CHRM3: variants seen among roughly 807,000 people sequenced by gnomAD.
CHRM3 encodes muscarinic acetylcholine receptor M3.
CHRM3 carries 11 observed loss-of-function variants against 41.8 expected under a neutral mutation model. The ratio of observed to expected loss-of-function variants is 0.26; its 90% CI spans 0.17 to 0.44. The LOEUF (loss-of-function observed/expected upper bound fraction) is 0.44, where lower values mean the gene tolerates loss of function less well. Among genes scored for constraint, CHRM3 ranks in the 20% least tolerant of loss-of-function variants. The pLI is 1.00. For missense variants in CHRM3, 571 were observed against 745.4 expected, an observed-to-expected ratio of 0.77 and a Z score of 2.72; for synonymous variants, 297 against 301.4, an observed-to-expected ratio of 0.99 and a Z score of 0.15.
intron 3 of CHRM3, among the ~76,000 whole-genome samples, chr1:239,596,437 A>C (rs1446431285): frequency 6.6e-6 from 1 of 152,220 alleles, no homozygotes; most frequent in Non-Finnish European, 1.5e-5. Context: ...TAAGAGGAGA[A>C]CCAAAGAGGT....
At chr1:239,860,964 G>A (rs1675588113) in intron 6 of CHRM3, among the ~76,000 whole-genome samples, 1 of 151,842 alleles carries the variant, frequency 6.6e-6, no homozygotes, top group Non-Finnish European at 1.5e-5. Flanking sequence ...CTTATTATTT[G>A]TATTTAGAGG....
At chr1:239,863,983 A>C (rs2149283230) in intron 6 of CHRM3, among the ~76,000 whole-genome samples, 1 of 152,260 alleles carries the variant, frequency 6.6e-6, no homozygotes, top group South Asian at 2.1e-4. Context: ...TATTAATAAA[A>C]TTCAATGTAC....
chr1:239,859,429 T>TG (rs1558185651), intron 6 of CHRM3, among the ~76,000 whole-genome samples: 2,051 of 139,872 alleles, frequency 0.015, 63 homozygotes, highest in African/African-American at 0.06. Flanking sequence ...GTTTTTTTTT[T>TG]TTGTTTTTTT....
At chr1:239,408,871 T>C (rs1486769668) in intron 1 of CHRM3, among the ~76,000 whole-genome samples, 1 of 151,848 alleles carries the variant, frequency 6.6e-6, no homozygotes, top group Non-Finnish European at 1.5e-5. Flanking sequence ...GTCCTCCCGC[T>C]GCAGCCTCCC....
chr1:239,507,517 C>A (rs1668653451), intron 2 of CHRM3, among the ~76,000 whole-genome samples: 1 of 152,192 alleles, frequency 6.6e-6, no homozygotes, highest in African/African-American at 2.4e-5. Flanking sequence ...ATTGCCTCAT[C>A]TCAGTTATGT....
chr1:239,427,401 C>A (rs956724097), intron 1 of CHRM3, among the ~76,000 whole-genome samples: 19 of 152,190 alleles, frequency 1.2e-4, no homozygotes, highest in African/African-American at 4.6e-4. Context: ...GGAGCTAAAT[C>A]TGTGAGTGTG....
chr1:239,476,463 C>A (rs1402497074), intron 1 of CHRM3, among the ~76,000 whole-genome samples: 131 of 117,566 alleles, frequency 1.1e-3, no homozygotes, highest in South Asian at 1.4e-3. Flanking sequence ...AGACTCCATC[C>A]AAAAAAAAAA....
At chr1:239,486,249 C>A (rs1667174657) in intron 1 of CHRM3, among the ~76,000 whole-genome samples, 1 of 152,204 alleles carries the variant, frequency 6.6e-6, no homozygotes, top group South Asian at 2.1e-4. Flanking sequence ...TCAGATGCAA[C>A]CTAAACTGTT....
chr1:239,544,847 G>A (rs1659134751), intron 2 of CHRM3, among the ~76,000 whole-genome samples: 1 of 152,196 alleles, frequency 6.6e-6, no homozygotes, highest in East Asian at 1.9e-4. Context: ...TGGTCACATT[G>A]TAGGACACGT....
chr1:239,847,701 CACACACACATACATAT>C, intron 6 of CHRM3, among the ~76,000 whole-genome samples: 1 of 152,040 alleles, frequency 6.6e-6, no homozygotes. Flanking sequence ...CTCATCTCTA[CACACACACATACATAT>C]ACACACACAC....
intron 6 of CHRM3, among the ~76,000 whole-genome samples, chr1:239,890,055 C>A (rs1356737420): frequency 6.6e-6 from 1 of 152,140 alleles, no homozygotes; most frequent in Non-Finnish European, 1.5e-5. Flanking sequence ...TGGCTCACGC[C>A]TGTAATCCCA....
rs7543473 is a variant in CHRM3, at chr1:239,757,659, C to T, written c.-146-69593C>T. ...AAAAAAAAAAAAGAAAAGACATCCT[C>T]ATTAAGAATGTCTGAATCGTATATT... is the stretch of plus-strand genomic sequence containing the variant. On this transcript the variant is annotated intron_variant, in intron 5 of 6. Coordinates refer to ENST00000676153, the MANE Select transcript of CHRM3 (RefSeq NM_001375978.1). Among the ~76,000 whole-genome samples the T allele has an allele frequency of 7.2e-3, 1,088 of 151,934 alleles. 13 individuals are homozygous for T. The highest frequency in any genetic ancestry group is 0.025 in the African/African-American group (1,037 of 41,468).
intron 1 of CHRM3, among the ~76,000 whole-genome samples, chr1:239,445,707 A>C (rs1664073298): frequency 6.6e-6 from 1 of 152,212 alleles, no homozygotes. Flanking sequence ...TTTCAAGAAT[A>C]GTGCTTAATA....
Position 239,909,414 on chromosome 1 carries a change from G to C in CHRM3, c.*190G>C. ...AATAGAAAAAGTCAATACCAATTCA[G>C]CAAAAAGAAAAAAAAAACATACTAC... On this transcript the variant is annotated 3_prime_UTR_variant, in exon 7 of 7. Coordinates refer to ENST00000676153, the MANE Select transcript of CHRM3 (RefSeq NM_001375978.1). The C allele has an allele frequency of 2.5e-6, 1 of 400,972 alleles. No individual in the cohort carries two copies. Among genetic ancestry groups the C allele is most frequent in the Non-Finnish European group, 4.4e-6 (1 of 228,962 alleles). 24.8% of individuals were successfully genotyped at this position (400,972 alleles called of 1,614,324 possible).
chr1:239,644,055 T>C (rs767088096), intron 4 of CHRM3, among the ~76,000 whole-genome samples: 4 of 152,248 alleles, frequency 2.6e-5, no homozygotes, highest in Non-Finnish European at 5.9e-5. Context: ...TATTACTTTC[T>C]TTCATTGACA....
intron 2 of CHRM3, among the ~76,000 whole-genome samples, chr1:239,501,021 A>G (rs577646292): frequency 6.6e-6 from 1 of 152,370 alleles, no homozygotes; most frequent in South Asian, 2.1e-4. Flanking sequence ...AGCAGTTAAA[A>G]GAGACAAAGA....
chr1:239,461,052 C>G (rs10754670), intron 1 of CHRM3, among the ~76,000 whole-genome samples: 50,773 of 151,980 alleles, frequency 0.33, 8,607 homozygotes, highest in Middle Eastern at 0.43. Flanking sequence ...AGCAGTTCTT[C>G]TAAGAGCCAA....
chr1:239,742,428 G>A (rs886551838), intron 5 of CHRM3, among the ~76,000 whole-genome samples: 1 of 152,052 alleles, frequency 6.6e-6, no homozygotes, highest in Non-Finnish European at 1.5e-5. Context: ...TCACAAGTAG[G>A]GTGGCTAGCA....
At chr1:239,606,746 A>G (rs1184084716) in intron 3 of CHRM3, among the ~76,000 whole-genome samples, 3 of 152,182 alleles carry the variant, frequency 2.0e-5, no homozygotes, top group Non-Finnish European at 2.9e-5. Flanking sequence ...GGTGTAGGCT[A>G]AATAAAAAGC....
Sources: allele counts gnomAD v4.1 joint callset (sites outside exome capture counted in the v4.1 genomes callset), GRCh38; gene constraint gnomAD v4.1.1; transcripts MANE v1.5; gene names NCBI Gene and HGNC (gene_info 2026-07-23, HGNC 2026-07-21).